CRYBG3: variants seen among roughly 807,000 people sequenced by gnomAD.
CRYBG3 encodes very large A-kinase anchor protein.
A neutral mutation model predicts 244.2 loss-of-function variants in CRYBG3; 127 were observed. The observed-to-expected ratio is 0.52, with a 90% CI of 0.45 to 0.60. The LOEUF (loss-of-function observed/expected upper bound fraction) is 0.60, where lower values mean the gene tolerates loss of function less well. CRYBG3 is among the 20% of genes least tolerant of loss of function. The pLI, the probability that CRYBG3 is intolerant of heterozygous loss-of-function variation, is 0.00. For missense variants in CRYBG3, 3,325 were observed against 3,442.5 expected (o/e 0.97, Z 0.85); for synonymous variants, 1,132 against 1,195.8 (o/e 0.95, Z 1.10).
intron 3 of CRYBG3, among the ~76,000 whole-genome samples, chr3:97,868,949 A>T (rs2039268932): frequency 6.6e-6 from 1 of 152,108 alleles, no homozygotes; most frequent in South Asian, 2.1e-4. Context: ...GATCTTTTGC[A>T]AAAAGAAACA....
chr3:97,842,433 C>T (rs911952359), intron 1 of CRYBG3, among the ~76,000 whole-genome samples: 2 of 151,902 alleles, frequency 1.3e-5, no homozygotes, highest in African/African-American at 2.4e-5. Flanking sequence ...TGGTAGCATG[C>T]ACCTGTAGTC....
At position 97,875,492 on chromosome 3, in the gene CRYBG3, A is replaced by G; in HGVS notation, c.4298A>G (p.His1433Arg). Residue 1433 changes from histidine (H) to arginine (R), a missense_variant, in exon 4 of 22, where the codon CAT becomes CGT. His to Arg is a conservative substitution (Grantham distance 29). Around this residue, in one of 4 missense-constraint regions of CRYBG3, gnomAD observed 635 missense variants for 771.7 expected, o/e 0.82. Coordinates refer to ENST00000389622, the MANE Select transcript of CRYBG3 (RefSeq NM_153605.4). Reference sequence around the variant, plus strand: ...GTTTTACTAGCTGAAGACATGTCACATAAACGGTTAGATGATAGGGTAAAA... The same window carrying G: ...GTTTTACTAGCTGAAGACATGTCACGTAAACGGTTAGATGATAGGGTAAAA... ...DTVLLAEDMSHKRLDDRVKTH... is the reference protein window; with the variant it reads ...DTVLLAEDMSRKRLDDRVKTH... 1.5e-6 allele frequency: 2 copies of G among 1,298,582 alleles called. No individual in the cohort carries two copies. Among genetic ancestry groups the G allele is most frequent in the Non-Finnish European group, 9.7e-7 (1 of 1,029,666 alleles). 80.4% of individuals were successfully genotyped at this position (1,298,582 alleles called of 1,614,324 possible).
intron 2 of CRYBG3, among the ~76,000 whole-genome samples, chr3:97,847,919 T>A (rs888674577): frequency 4.6e-5 from 7 of 152,202 alleles, no homozygotes; most frequent in African/African-American, 1.7e-4. Context: ...TACCCTTATT[T>A]CTAATAAGTA....
rs1012925690 is a variant in CRYBG3, at chr3:97,873,731, T to C, written c.2537T>C (p.Val846Ala). The change falls in exon 4 of 22, where the codon GTG becomes GCG. Residue 846 changes from valine (V) to alanine (A), a missense_variant. Val to Ala is a moderately conservative substitution (Grantham distance 64). This residue lies in a region of CRYBG3 where 1,526 missense variants were observed against 1,443.2 expected (regional missense o/e 1.06). Transcript: ENST00000389622. ...ISLSKVSLSKVEPRNISQDKM... is the reference protein window; with the variant it reads ...ISLSKVSLSKAEPRNISQDKM... ...TTGTCCAAGGTATCTCTTTCAAAAG[T>C]GGAGCCCAGAAACATTTCTCAGGAT... 6.5e-7 allele frequency: 1 copy of C among 1,535,776 alleles called. No individual in the cohort carries two copies. The highest frequency in any genetic ancestry group is 1.4e-5 in the African/African-American group (1 of 73,040).
intron 1 of CRYBG3, among the ~76,000 whole-genome samples, chr3:97,826,706 G>C (rs1294465599): frequency 2.0e-5 from 3 of 152,214 alleles, no homozygotes; most frequent in Non-Finnish European, 2.9e-5. Context: ...CCATAAGTTA[G>C]AGTGGCTGCT....
chr3:97,900,417 A>T lies in CRYBG3; in HGVS notation c.7972-36A>T, dbSNP rs188063814. 1,476 of 1,443,722 alleles carry T rather than the reference A, an allele frequency of 1.0e-3. 5 individuals are homozygous for T. Among genetic ancestry groups the T allele is most frequent in the Middle Eastern group, 3.2e-3 (18 of 5,710 alleles). 89.4% of individuals were successfully genotyped at this position (1,443,722 alleles called of 1,614,324 possible). Reference sequence around the variant, plus strand: ...AACTTTCAAAAAGACAGATTATGTGATTACAATTTTGAAAATGTTTTAATA... The same window carrying T: ...AACTTTCAAAAAGACAGATTATGTGTTTACAATTTTGAAAATGTTTTAATA... On this transcript the variant is annotated intron_variant, in intron 14 of 21. Transcript: ENST00000389622.
intron 8 of CRYBG3, among the ~76,000 whole-genome samples, chr3:97,887,915 G>A (rs1196448231): frequency 6.6e-6 from 1 of 152,174 alleles, no homozygotes; most frequent in Non-Finnish European, 1.5e-5. Context: ...CAATAGAACT[G>A]ATATTGATTC....
chr3:97,868,937 GT>G (rs2039268866), intron 3 of CRYBG3, among the ~76,000 whole-genome samples: 1 of 151,528 alleles, frequency 6.6e-6, no homozygotes, highest in Non-Finnish European at 1.5e-5. Context: ...AATTACTTCT[GT>G]GATCTTTTGC....
intron 19 of CRYBG3, among the ~76,000 whole-genome samples, chr3:97,939,841 G>C (rs1346595995): frequency 6.6e-6 from 1 of 152,006 alleles, no homozygotes; most frequent in African/African-American, 2.4e-5. Flanking sequence ...TGTTCGCCTG[G>C]TTTAAATGGC....
chr3:97,919,837 G>C (rs896125118), intron 17 of CRYBG3, among the ~76,000 whole-genome samples: 18 of 151,750 alleles, frequency 1.2e-4, no homozygotes, highest in African/African-American at 4.4e-4. Flanking sequence ...ATTTTGCTTT[G>C]ATCAAAGAAA....
chr3:97,907,101 T>A (rs971633952), intron 15 of CRYBG3, among the ~76,000 whole-genome samples: 1 of 152,228 alleles, frequency 6.6e-6, no homozygotes, highest in African/African-American at 2.4e-5. Context: ...GAAGCCCACT[T>A]GATCATGGTG....
In CRYBG3 at chr3:97,877,142, G is replaced by A. The variant is rs1456069518; in HGVS notation, c.5948G>A (p.Gly1983Glu). ...AGAGAGACAGATTATAGTGACAAAG[G>A]ATATAATTTAGCTTTTGTTTCTCAA... ...KRRETDYSDK[G>E]YNLAFVSQDE... The change falls in exon 4 of 22, where the codon GGA becomes GAA. Residue 1983 changes from glycine to glutamate, a missense_variant. Around this residue, in one of 4 missense-constraint regions of CRYBG3, gnomAD observed 450 missense variants for 424.1 expected, o/e 1.06. Coordinates refer to ENST00000389622, the MANE Select transcript of CRYBG3 (RefSeq NM_153605.4). 1 of 1,613,860 alleles carries A rather than the reference G, an allele frequency of 6.2e-7. No homozygotes were observed. The highest frequency in any genetic ancestry group is 8.5e-7 in the Non-Finnish European group (1 of 1,179,832).
At chr3:97,837,987 C>G (rs772331410) in intron 1 of CRYBG3, among the ~76,000 whole-genome samples, 3 of 152,076 alleles carry the variant, frequency 2.0e-5, no homozygotes, top group Non-Finnish European at 4.4e-5. Flanking sequence ...TGCCTCACCC[C>G]TCTCCACTGA....
Position 97,876,521 on chromosome 3 carries a change from A to G in CRYBG3, c.5327A>G (p.Asn1776Ser), listed in dbSNP as rs1462674117. The change falls in exon 4 of 22, where the codon AAC becomes AGC. Residue 1776 changes from asparagine to serine, a missense_variant. Coordinates refer to ENST00000389622, the MANE Select transcript of CRYBG3 (RefSeq NM_153605.4). ...YQKNAKGFTG[N>S]TEGSVLKMEA... The stretch of plus-strand genomic sequence containing the variant: ...AAAAATGCCAAAGGTTTTACCGGGA[A>G]CACTGAAGGGTCTGTGTTGAAAATG... 8.1e-7 allele frequency: 1 copy of G among 1,232,226 alleles called. No individual in the cohort carries two copies. The highest frequency in any genetic ancestry group is 1.0e-6 in the Non-Finnish European group (1 of 988,004). 76.3% of individuals were successfully genotyped at this position (1,232,226 alleles called of 1,614,324 possible).
intron 2 of CRYBG3, among the ~76,000 whole-genome samples, chr3:97,846,127 C>G (rs1187433430): frequency 6.6e-6 from 1 of 152,182 alleles, no homozygotes; most frequent in Non-Finnish European, 1.5e-5. Context: ...TGACCATATT[C>G]AGTAACCTTT....
Position 97,880,099 on chromosome 3 carries a change from TG to T in CRYBG3, c.7004+1del. On this transcript the variant is annotated frameshift_variant and splice_region_variant, in exon 6 of 22. Coordinates refer to ENST00000389622, the MANE Select transcript of CRYBG3 (RefSeq NM_153605.4). LOFTEE classifies it high-confidence loss of function. The part of the protein sequence containing the change: ...NGVLIKVVRG[C>X]WILYEKPHFR... ...AGTTCTAATAAAAGTTGTAAGGGGC[TG>T]GTAAGAAGTTTCTTAAAATTTTATA... 1 of 1,481,610 alleles carries T rather than the reference TG, an allele frequency of 6.7e-7. No homozygotes were observed. The highest frequency in any genetic ancestry group is 1.2e-5 in the South Asian group (1 of 81,072). The allele number at this position is 1,481,610 out of a possible 1,614,324, so 91.8% of individuals were successfully genotyped here. A position where few individuals can be genotyped will look rare whatever the true frequency, so the allele number is the denominator to read the frequency against.
At position 97,877,053 on chromosome 3, in the gene CRYBG3, A is replaced by G; in HGVS notation, c.5859A>G (p.Gln1953=). 1 of 1,593,246 alleles carries G rather than the reference A, an allele frequency of 6.3e-7. No homozygotes were observed. The highest frequency in any genetic ancestry group is 8.6e-7 in the Non-Finnish European group (1 of 1,169,320). ...CAGCCCCAGCAATGCCAGATTTTCA[A>G]CCTGGGGATACCACAGTAAGACTAG... ...GYPAPAMPDF[Q]PGDTTVRLDK... The change falls in exon 4 of 22, where the codon CAA becomes CAG. Residue 1953 remains glutamine (Q), a synonymous_variant. Coordinates refer to ENST00000389622, the MANE Select transcript of CRYBG3 (RefSeq NM_153605.4).
intron 9 of CRYBG3, among the ~76,000 whole-genome samples, chr3:97,888,974 T>C (rs1439804689): frequency 6.6e-6 from 1 of 152,234 alleles, no homozygotes; most frequent in Non-Finnish European, 1.5e-5. Flanking sequence ...CTAAGAAATC[T>C]ACTCTGCTGA....
chr3:97,874,406 G>C lies in CRYBG3; in HGVS notation c.3212G>C (p.Ser1071Thr), dbSNP rs1364787378. The C allele has an allele frequency of 2.0e-6, 3 of 1,534,532 alleles. No homozygotes were observed. In the African/African-American group the frequency reaches 4.1e-5, roughly 21 times the overall value. The change falls in exon 4 of 22, where the codon AGC (serine) becomes ACC (threonine). Residue 1071 changes from serine (S) to threonine (T), a missense_variant. Transcript: ENST00000389622. The stretch of plus-strand genomic sequence containing the variant: ...TCCTCTAGTTACCCTGAAGAAGTTA[G>C]CATGATAGTAAATTCACATAAGCCC... Reference protein sequence around the residue: ...SSSSSYPEEVSMIVNSHKPQN... With the variant: ...SSSSSYPEEVTMIVNSHKPQN...
Sources: gnomAD v4.1 joint callset for allele counts (sites outside exome capture counted in the v4.1 genomes callset) on GRCh38, gnomAD v4.1.1 for gene constraint, gnomAD v4.1.1 regional missense constraint, MANE v1.5 for transcripts, NCBI Gene and HGNC (gene_info 2026-07-23, HGNC 2026-07-21) for gene names.